RIMS1: variants seen among roughly 807,000 people sequenced by gnomAD.
RIMS1 encodes regulating synaptic membrane exocytosis protein 1.
In RIMS1, 83 loss-of-function variants were observed where a neutral mutation model predicts 214.1. The ratio of observed to expected loss-of-function variants is 0.39; its 90% CI spans 0.32 to 0.47. The LOEUF (loss-of-function observed/expected upper bound fraction) is 0.47. Among genes scored for constraint, RIMS1 ranks in the 20% least tolerant of loss-of-function variants. The pLI is 0.99. For synonymous variants in RIMS1, 793 were observed against 786.8 expected (o/e 1.01, Z -0.13); for missense variants, 2,050 against 2,161.8 (o/e 0.95, Z 1.03).
intron 6 of RIMS1, among the ~76,000 whole-genome samples, chr6:72,232,537 A>T (rs542620419): frequency 6.6e-6 from 1 of 151,836 alleles, no homozygotes; most frequent in African/African-American, 2.4e-5. Context: ...TGTGATTTGG[A>T]GAGAGATATG....
At chr6:71,943,753 T>C (rs920471205) in intron 1 of RIMS1, among the ~76,000 whole-genome samples, 2 of 152,200 alleles carry the variant, frequency 1.3e-5, no homozygotes, top group Non-Finnish European at 2.9e-5. Context: ...GTTATTTTGC[T>C]TCCAAATCAT....
At chr6:71,950,618 A>G (rs953311381) in intron 1 of RIMS1, among the ~76,000 whole-genome samples, 2 of 152,210 alleles carry the variant, frequency 1.3e-5, no homozygotes, top group Non-Finnish European at 2.9e-5. Context: ...TTCAGTTGCA[A>G]AGCTATTAGA....
chr6:72,293,923 A>G (rs1359682764), intron 26 of RIMS1, among the ~76,000 whole-genome samples: 1 of 151,768 alleles, frequency 6.6e-6, no homozygotes, highest in African/African-American at 2.4e-5. Context: ...TAATATGACA[A>G]ATACACTAAT....
chr6:72,038,919 G>T (rs1198001477), intron 2 of RIMS1, among the ~76,000 whole-genome samples: 1 of 151,980 alleles, frequency 6.6e-6, no homozygotes. Flanking sequence ...TACAATGATT[G>T]TTTTAAAGTA....
At chr6:72,270,107 G>A (rs556463445) in intron 22 of RIMS1, among the ~76,000 whole-genome samples, 20 of 151,964 alleles carry the variant, frequency 1.3e-4, no homozygotes, top group African/African-American at 2.7e-4. Context: ...ATTCTTCCAC[G>A]ATATCACCAT....
chr6:72,182,678 G>A lies in RIMS1; in HGVS notation c.1207G>A (p.Ala403Thr). 2 of 1,449,640 alleles carry A rather than the reference G, an allele frequency of 1.4e-6. No individual in the cohort carries two copies. Among genetic ancestry groups the A allele is most frequent in the Non-Finnish European group, 1.8e-6 (2 of 1,108,280 alleles). The allele number at this position is 1,449,640 out of a possible 1,614,324, so 89.8% of individuals were successfully genotyped here. A position where few individuals can be genotyped will look rare whatever the true frequency, so the allele number is the denominator to read the frequency against. ...VALPRTEAGAALPEGKAGKRA... is the reference protein window; with the variant it reads ...VALPRTEAGATLPEGKAGKRA... ...GCTCCCGCGCACCGAGGCGGGCGCG[G>A]CGCTGCCGGAGGGCAAGGCCGGCAA... is the stretch of plus-strand genomic sequence containing the variant. The change falls in exon 6 of 34, where the codon GCG becomes ACG. Residue 403 changes from alanine to threonine, a missense_variant. Transcript: ENST00000521978.
chr6:71,951,647 A>G (rs1304253898), intron 1 of RIMS1, among the ~76,000 whole-genome samples: 1 of 130,152 alleles, frequency 7.7e-6, no homozygotes, highest in Non-Finnish European at 1.6e-5. Flanking sequence ...GTTGTGCACC[A>G]CCACGCTTAG....
Position 71,969,808 on chromosome 6 carries a change from CAAAACA to C in RIMS1, c.245+767_245+772del, listed in dbSNP as rs72341245. 3.0e-3 allele frequency among the ~76,000 whole-genome samples: 459 copies of C among 152,022 alleles called. 1 individual carries two copies. The highest frequency in any genetic ancestry group is 0.011 in the African/African-American group (437 of 41,452). ...TGGGTGACAGAGTGAGACCCTGTCTCAAAACAAAAACAAAAACAAAAACAAAAGTGG... is the reference window on the plus strand; with the variant it reads ...TGGGTGACAGAGTGAGACCCTGTCTCAAAACAAAAACAAAAACAAAAGTGG... On this transcript the variant is annotated intron_variant, in intron 2 of 33. Coordinates refer to ENST00000521978, the MANE Select transcript of RIMS1 (RefSeq NM_014989.7).
intron 4 of RIMS1, among the ~76,000 whole-genome samples, chr6:72,107,835 A>C (rs2035074132): frequency 6.6e-6 from 1 of 152,204 alleles, no homozygotes; most frequent in Admixed American, 6.5e-5. Flanking sequence ...TAATAGTGGT[A>C]GCTGCAGTAA....
At chr6:72,235,805 G>T in intron 8 of RIMS1, 77 bp downstream of exon 8, 3 of 625,220 alleles carry the variant, frequency 4.8e-6, no homozygotes, top group Non-Finnish European at 7.5e-6. Context: ...TTCTGGCAAT[G>T]ATTTTTAAAT....
At chr6:72,015,628 C>G (rs1271230495) in intron 2 of RIMS1, among the ~76,000 whole-genome samples, 1 of 152,046 alleles carries the variant, frequency 6.6e-6, no homozygotes, top group Non-Finnish European at 1.5e-5. Context: ...GGGGAAATAA[C>G]TTAATATGTC....
intron 29 of RIMS1, among the ~76,000 whole-genome samples, chr6:72,377,420 A>G (rs1042324173): frequency 6.6e-6 from 1 of 152,182 alleles, no homozygotes; most frequent in African/African-American, 2.4e-5. Flanking sequence ...AGGTTAGTTC[A>G]GAAGGGAACA....
intron 4 of RIMS1, among the ~76,000 whole-genome samples, chr6:72,104,294 C>G (rs1191002801): frequency 6.6e-6 from 1 of 152,128 alleles, no homozygotes; most frequent in African/African-American, 2.4e-5. Context: ...AACTTAAGTG[C>G]CTACTTTAAA....
intron 2 of RIMS1, among the ~76,000 whole-genome samples, chr6:72,071,605 A>C (rs1286792581): frequency 6.6e-6 from 1 of 152,180 alleles, no homozygotes; most frequent in African/African-American, 2.4e-5. Context: ...AAGTGTAAAA[A>C]TGATGTTGGA....
intron 2 of RIMS1, among the ~76,000 whole-genome samples, chr6:72,029,138 A>G (rs1196176099): frequency 1.3e-5 from 2 of 152,164 alleles, no homozygotes; most frequent in Non-Finnish European, 2.9e-5. Context: ...ATTATTTTCT[A>G]TGATGTGGCT....
intron 2 of RIMS1, among the ~76,000 whole-genome samples, chr6:72,036,807 T>C (rs557005275): frequency 6.6e-6 from 1 of 152,246 alleles, no homozygotes; most frequent in African/African-American, 2.4e-5. Flanking sequence ...TGCAGAGCTG[T>C]TAAAGTTGTC....
intron 2 of RIMS1, among the ~76,000 whole-genome samples, chr6:72,038,128 T>A (rs1277192460): frequency 4.3e-4 from 39 of 90,680 alleles, no homozygotes; most frequent in Middle Eastern, 5.9e-3. Context: ...AATATATATA[T>A]ATATATATAT....
chr6:71,949,926 G>A (rs1364358705), intron 1 of RIMS1, among the ~76,000 whole-genome samples: 2 of 152,018 alleles, frequency 1.3e-5, no homozygotes, highest in South Asian at 2.1e-4. Context: ...TTCATAACAG[G>A]TTTATTCATA....
Position 72,291,979 on chromosome 6 carries a change from A to G in RIMS1, c.3783A>G (p.Thr1261=), listed in dbSNP as rs1269656409. The part of the protein sequence containing the change: ...RSPTQSPPAD[T]SFSSRRGRQL... ...CAACACAATCTCCTCCAGCAGACAC[A>G]TCGTTCAGCAGTCGCAGGGGAAGAC... Residue 1261 remains threonine, a synonymous_variant, in exon 26 of 34, where the codon ACA becomes ACG. Transcript: ENST00000521978. The G allele has an allele frequency of 5.1e-6, 8 of 1,565,002 alleles. No individual in the cohort carries two copies. In the African/African-American group the frequency reaches 6.8e-5, roughly 13 times the overall value.
Sources: allele counts gnomAD v4.1 joint callset (sites outside exome capture counted in the v4.1 genomes callset), GRCh38; gene constraint gnomAD v4.1.1; transcripts MANE v1.5; gene names NCBI Gene and HGNC (gene_info 2026-07-23, HGNC 2026-07-21).